MKLN1: variants seen among roughly 807,000 people sequenced by gnomAD.
The protein encoded by MKLN1 is muskelin 1.
A neutral mutation model predicts 99.0 loss-of-function variants in MKLN1; 18 were observed. The observed-to-expected ratio is 0.18, with a 90% CI of 0.13 to 0.27. The LOEUF is 0.27. MKLN1 is among the 10% of genes least tolerant of loss of function. MKLN1 has a pLI of 1.00. For synonymous variants in MKLN1, 288 were observed against 293.2 expected (o/e 0.98, Z 0.18); for missense variants, 621 against 875.9 (o/e 0.71, Z 3.67).
chr7:131,196,699 TC>T (rs1796650731), intron 2 of MKLN1, among the ~76,000 whole-genome samples: 1 of 152,194 alleles, frequency 6.6e-6, no homozygotes, highest in African/African-American at 2.4e-5. Context: ...AGTGTAGTAG[TC>T]CTATTTTTGC....
intron 16 of MKLN1, among the ~76,000 whole-genome samples, chr7:131,475,744 G>A (rs2116663074): frequency 6.6e-6 from 1 of 152,278 alleles, no homozygotes; most frequent in East Asian, 1.9e-4. Context: ...CAGAGAGGTT[G>A]AGGCTGCAGT....
rs192472438 is a variant in MKLN1 at position 131,437,178 on chromosome 7, A to G, written c.961-607A>G. Among the ~76,000 whole-genome samples the G allele has an allele frequency of 5.9e-5, 9 of 152,010 alleles. No homozygotes were observed. In the East Asian group the frequency reaches 1.7e-3, roughly 29 times the overall value. On this transcript the variant is annotated intron_variant, in intron 9 of 17. Transcript: ENST00000352689. ...CCATGTTGGTTTGCTGCACCCATCA[A>G]CTCATCATTTACATTAGGTATTTCT...
At chr7:131,219,402 A>G (rs561807387) in intron 3 of MKLN1, among the ~76,000 whole-genome samples, 18 of 152,254 alleles carry the variant, frequency 1.2e-4, no homozygotes, top group African/African-American at 3.4e-4. Context: ...CTGTGAGCCA[A>G]TTCAGCAAAC....
chr7:131,320,047 T>C (rs1046612502), intron 3 of MKLN1, among the ~76,000 whole-genome samples: 2 of 152,164 alleles, frequency 1.3e-5, no homozygotes, highest in Admixed American at 6.5e-5. Flanking sequence ...TAAGCTACCA[T>C]TGAGTTTCTT....
chr7:131,375,408 ACTTT>A lies in MKLN1; in HGVS notation c.99-11_99-8del, dbSNP rs1793610973. On this transcript the variant is annotated splice_polypyrimidine_tract_variant and intron_variant, in intron 1 of 17. Transcript: ENST00000352689. ...ATTCATGTTCTCTTAATTTTTTAAT[ACTTT>A]CTTTATTCCAGGAACATTTTAGTGG... is the stretch of plus-strand genomic sequence containing the variant. The A allele has an allele frequency of 6.3e-7, 1 of 1,574,850 alleles. No homozygotes were observed. Among genetic ancestry groups the A allele is most frequent in the Non-Finnish European group, 8.7e-7 (1 of 1,144,722 alleles).
intron 3 of MKLN1, among the ~76,000 whole-genome samples, chr7:131,277,959 C>A (rs556792041): frequency 3.1e-4 from 47 of 152,038 alleles, no homozygotes; most frequent in Admixed American, 2.3e-3. Flanking sequence ...GTAAGATCTG[C>A]CCATTCTCTC....
intron 3 of MKLN1, among the ~76,000 whole-genome samples, chr7:131,298,180 A>T (rs185129492): frequency 6.6e-6 from 1 of 152,270 alleles, no homozygotes; most frequent in Non-Finnish European, 1.5e-5. Flanking sequence ...CTGAGGCAGA[A>T]GAATGGCGTG....
At chr7:131,265,373 T>G (rs569129569) in intron 3 of MKLN1, among the ~76,000 whole-genome samples, 1 of 152,264 alleles carries the variant, frequency 6.6e-6, no homozygotes, top group East Asian at 1.9e-4. Context: ...CACAGCCCCC[T>G]TCTTTCTTTC....
chr7:131,461,469 G>A (rs1584767432), intron 12 of MKLN1, among the ~76,000 whole-genome samples: 2 of 151,954 alleles, frequency 1.3e-5, no homozygotes, highest in South Asian at 2.1e-4. Context: ...GTGTGTGTGT[G>A]TATAATTTTA....
At position 131,477,019 on chromosome 7, in the gene MKLN1, A is replaced by G. The variant is rs552569845; in HGVS notation, c.2032-1604A>G. On this transcript the variant is annotated intron_variant, in intron 16 of 17. Transcript: ENST00000352689. ...AACAAATGATACTGAATAACTGGAT[A>G]TCTCAAACCTTTCTCACTGTTTACT... 2.1e-4 allele frequency among the ~76,000 whole-genome samples: 32 copies of G among 152,344 alleles called. 1 individual carries two copies. The South Asian group carries it at 6.6e-3, about 32-fold the overall frequency.
At chr7:131,400,824 T>C (rs952264829) in intron 6 of MKLN1, among the ~76,000 whole-genome samples, 16 of 152,220 alleles carry the variant, frequency 1.1e-4, no homozygotes, top group African/African-American at 3.6e-4. Flanking sequence ...ACTTATCCTT[T>C]GGCTCTAGAA....
intron 3 of MKLN1, among the ~76,000 whole-genome samples, chr7:131,259,286 G>A (rs2116532676): frequency 6.6e-6 from 1 of 152,108 alleles, no homozygotes; most frequent in Middle Eastern, 3.4e-3. Flanking sequence ...TGTATAGAGG[G>A]ATTTATTCAC....
At chr7:131,397,427 T>C (rs766292660) in intron 5 of MKLN1, 51 bp downstream of exon 5, 9 of 882,554 alleles carry the variant, frequency 1.0e-5, no homozygotes, top group South Asian at 1.6e-5. Context: ...AGGAGAAATA[T>C]GTCAATCTCT....
intron 2 of MKLN1, among the ~76,000 whole-genome samples, chr7:131,173,016 A>C (rs1309944243): frequency 6.6e-6 from 1 of 152,234 alleles, no homozygotes; most frequent in Non-Finnish European, 1.5e-5. Flanking sequence ...ATTCTGTAAC[A>C]TGATATTTGC....
chr7:131,466,529 C>A, intron 15 of MKLN1, 114 bp downstream of exon 15: 1 of 648,074 alleles, frequency 1.5e-6, no homozygotes, highest in Non-Finnish European at 2.3e-6. Flanking sequence ...TTTGTAAATG[C>A]CCTGTTATTC....
chr7:131,305,054 G>A (rs1461462478), intron 3 of MKLN1, among the ~76,000 whole-genome samples: 3 of 152,154 alleles, frequency 2.0e-5, no homozygotes, highest in Admixed American at 6.5e-5. Context: ...CATCTTGGAA[G>A]CAGGGAGACT....
At chr7:131,470,760 A>C (rs1366568748) in intron 15 of MKLN1, 82 bp from the exon 16 acceptor site, 2 of 876,168 alleles carry the variant, frequency 2.3e-6, no homozygotes, top group Non-Finnish European at 3.8e-6. Flanking sequence ...TCAGTATAAC[A>C]GTGTATTTTA....
At chr7:131,461,867 GAA>G (rs1424752094) in intron 12 of MKLN1, among the ~76,000 whole-genome samples, 1 of 152,110 alleles carries the variant, frequency 6.6e-6, no homozygotes, top group Non-Finnish European at 1.5e-5. Context: ...ATAAGAATAA[GAA>G]AATTTGTCAT....
chr7:131,386,304 A>T (rs982738201), intron 2 of MKLN1, among the ~76,000 whole-genome samples: 1 of 151,904 alleles, frequency 6.6e-6, no homozygotes, highest in African/African-American at 2.4e-5. Flanking sequence ...GAGCCACCGC[A>T]CCCGGCCAGG....
Sources: gnomAD v4.1 joint callset for allele counts (sites outside exome capture counted in the v4.1 genomes callset) on GRCh38, gnomAD v4.1.1 for gene constraint, MANE v1.5 for transcripts, NCBI Gene and HGNC (gene_info 2026-07-23, HGNC 2026-07-21) for gene names.